Variants in DIABLO observed in about 807,000 individuals in gnomAD.
DIABLO encodes diablo IAP-binding mitochondrial protein.
DIABLO carries 32 observed loss-of-function variants against 31.7 expected under a neutral mutation model. The ratio of observed to expected loss-of-function variants is 1.01; its 90% CI spans 0.76 to 1.35. DIABLO has a LOEUF of 1.35. Ranked by LOEUF, DIABLO falls within the 40% of genes most tolerant of loss-of-function variation. The pLI, the probability that DIABLO is intolerant of heterozygous loss-of-function variation, is 0.00. For missense variants in DIABLO, 316 were observed against 286.4 expected, an observed-to-expected ratio of 1.10 and a Z score of -0.75; for synonymous variants, 132 against 103.2, an observed-to-expected ratio of 1.28 and a Z score of -1.69.
intron 5 of DIABLO, chr12:122,209,629 C>T: frequency 3.1e-6 from 2 of 635,894 alleles, no homozygotes. Context: ...CGCGCCACTT[C>T]ACTCCAGCCT....
At chr12:122,212,630 TG>T (rs1286792290) in intron 5 of DIABLO, among the ~76,000 whole-genome samples, 6 of 122,638 alleles carry the variant, frequency 4.9e-5, no homozygotes, top group African/African-American at 1.9e-4. Context: ...TATTTATTTT[TG>T]TTTTTTTTTT....
chr12:122,227,019 A>C (rs1240098822), upstream of DIABLO, among the ~76,000 whole-genome samples: 2 of 152,106 alleles, frequency 1.3e-5, no homozygotes, highest in African/African-American at 4.8e-5. Context: ...ACAGGCCCAA[A>C]CCTGCTCTTC....
intron 5 of DIABLO, among the ~76,000 whole-genome samples, chr12:122,214,098 C>CA (rs775209605): frequency 2.0e-5 from 3 of 151,902 alleles, no homozygotes; most frequent in African/African-American, 7.3e-5. Context: ...AACAAACAAA[C>CA]AAAAAAACTA....
intron 1 of DIABLO, chr12:122,225,626 T>C: frequency 7.9e-7 from 1 of 1,269,682 alleles, no homozygotes; most frequent in East Asian, 4.0e-5. Context: ...CTTCCCGGAC[T>C]CCCCCCATGC....
At chr12:122,218,592 T>A (rs1209789101) in intron 2 of DIABLO, 195 bp from the exon 3 acceptor site, 2 of 634,322 alleles carry the variant, frequency 3.2e-6, no homozygotes, top group Non-Finnish European at 5.4e-6. Context: ...TTCCGGAGTA[T>A]GCTTTCTACC....
intron 1 of DIABLO, 113 bp from the exon 2 acceptor site, chr12:122,224,757 G>A: frequency 2.5e-6 from 4 of 1,606,604 alleles, no homozygotes; most frequent in Non-Finnish European, 3.4e-6. Context: ...ACCTAAATGA[G>A]GATGCAGGAC....
chr12:122,218,564 G>C, intron 2 of DIABLO, 167 bp from the exon 3 acceptor site: 2 of 774,018 alleles, frequency 2.6e-6, no homozygotes, highest in Non-Finnish European at 4.2e-6. Context: ...GGCAATTTAA[G>C]ACAATATAGA....
In DIABLO at chr12:122,216,551, C is replaced by A. The variant is rs376774043; in HGVS notation, c.460G>T (p.Glu154Ter). 11 of 1,614,046 alleles carry A rather than the reference C, an allele frequency of 6.8e-6. No homozygotes were observed. Among genetic ancestry groups the A allele is most frequent in the Non-Finnish European group, 9.3e-6 (11 of 1,180,030 alleles). Residue 154 changes from glutamate (E) to a stop codon, truncating the protein, a stop_gained, in exon 5 of 6, where the codon GAA becomes TAA. Coordinates refer to ENST00000464942, the MANE Select transcript of DIABLO (RefSeq NM_001371333.1). LOFTEE classifies it high-confidence loss of function. The part of the protein sequence containing the change: ...TSKHQEYLKL[E>*]TTWMTAVGLS... The stretch of plus-strand genomic sequence containing the variant: ...CCAACTGCAGTCATCCAAGTGGTTT[C>A]CAGCTTCAAGTACTCTTGGTGTTTT...
At chr12:122,214,963 C>T (rs953959025) in intron 5 of DIABLO, among the ~76,000 whole-genome samples, 5 of 152,200 alleles carry the variant, frequency 3.3e-5, no homozygotes, top group Admixed American at 1.3e-4. Context: ...CCTTGGCCCC[C>T]CAAAGTGCTG....
rs1053679459 is a variant in DIABLO at position 122,225,668 on chromosome 12, G to A, written c.50+297C>T. 7 of 1,368,824 alleles carry A rather than the reference G, an allele frequency of 5.1e-6. No individual in the cohort carries two copies. The African/African-American group carries it at 7.3e-5, about 14-fold the overall frequency. The allele number at this position is 1,368,824 out of a possible 1,614,324, so 84.8% of individuals were successfully genotyped here. A position where few individuals can be genotyped will look rare whatever the true frequency, so the allele number is the denominator to read the frequency against. On this transcript the variant is annotated intron_variant, in intron 1 of 5. Coordinates refer to ENST00000464942, the MANE Select transcript of DIABLO (RefSeq NM_001371333.1). ...CCTCCTCCTCTCCACGTCTCCTCAG[G>A]GACTTCGAGTGGCTGACGAGGGCTG...
intron 1 of DIABLO, chr12:122,225,345 C>A (rs1356198967): frequency 2.1e-6 from 2 of 941,202 alleles, no homozygotes; most frequent in Non-Finnish European, 1.3e-6. Context: ...TGAGATCTCG[C>A]CACTGCACTC....
At position 122,220,318 on chromosome 12, in the gene DIABLO, A is replaced by T. The variant is rs188701979; in HGVS notation, c.184-1921T>A. ...GAGTTAAGGGACTGTGGCCACCTGGACTAAATACTGGCAACTGTAATGACA... is the reference window on the plus strand; with the variant it reads ...GAGTTAAGGGACTGTGGCCACCTGGTCTAAATACTGGCAACTGTAATGACA... On this transcript the variant is annotated intron_variant, in intron 2 of 5. Coordinates refer to ENST00000464942, the MANE Select transcript of DIABLO (RefSeq NM_001371333.1). Among the ~76,000 whole-genome samples the T allele has an allele frequency of 2.6e-5, 4 of 152,258 alleles. No homozygotes were observed. The East Asian group carries it at 7.7e-4, about 29-fold the overall frequency.
intron 1 of DIABLO, chr12:122,225,409 A>G: frequency 1.0e-6 from 1 of 995,208 alleles, no homozygotes; most frequent in Non-Finnish European, 1.2e-6. Context: ...ATAAAATAAA[A>G]TGTTGCCTTT....
Position 122,223,189 on chromosome 12 carries a change from C to T in DIABLO, c.183+1323G>A, listed in dbSNP as rs553995117. On this transcript the variant is annotated intron_variant, in intron 2 of 5. Transcript: ENST00000464942. ...GTGGCTCAGGCCTGTAATCCCAGCA[C>T]CTTGGGATGCCGAGGCGTGTGGATC... Among the ~76,000 whole-genome samples the T allele has an allele frequency of 5.3e-5, 8 of 152,180 alleles. No homozygotes were observed. In the East Asian group the frequency reaches 1.5e-3, roughly 29 times the overall value.
chr12:122,226,270 G>C (rs1566031411), upstream of DIABLO: 1 of 694,042 alleles, frequency 1.4e-6, no homozygotes, highest in African/African-American at 1.8e-5. Context: ...GCGGAGGTGG[G>C]TCCGGCGCGG....
intron 5 of DIABLO, among the ~76,000 whole-genome samples, chr12:122,214,482 C>G (rs1954160761): frequency 6.6e-6 from 1 of 152,164 alleles, no homozygotes; most frequent in South Asian, 2.1e-4. Context: ...ATGGAGTGCA[C>G]AGGCATGATC....
intron 5 of DIABLO, among the ~76,000 whole-genome samples, chr12:122,209,367 G>A (rs11305092): frequency 0.07 from 9,121 of 130,664 alleles, 842 homozygotes; most frequent in African/African-American, 0.32. Context: ...AAAAAAAAAA[G>A]AAAAAAAGAA....
chr12:122,215,574 AGCC>A (rs1954190221), intron 5 of DIABLO, among the ~76,000 whole-genome samples: 1 of 152,200 alleles, frequency 6.6e-6, no homozygotes, highest in Admixed American at 6.5e-5. Flanking sequence ...AGTGCACTCC[AGCC>A]TGGGTGACAG....
chr12:122,226,176 T>C (rs1324095207), upstream of DIABLO: 1 of 1,127,644 alleles, frequency 8.9e-7, no homozygotes, highest in South Asian at 1.3e-5. Flanking sequence ...GGGCGAGGCT[T>C]AGGGCAAAGG....
Sources: gnomAD v4.1 joint callset for allele counts (sites outside exome capture counted in the v4.1 genomes callset) on GRCh38, gnomAD v4.1.1 for gene constraint, MANE v1.5 for transcripts, NCBI Gene and HGNC (gene_info 2026-07-23, HGNC 2026-07-21) for gene names.